Variants in GSE1 observed in about 807,000 individuals in gnomAD.
GSE1 encodes the protein genetic suppressor element 1.
Under a neutral mutation model 112.6 loss-of-function variants are expected in GSE1, and 32 were observed. The observed-to-expected ratio is 0.28, with a 90% CI of 0.21 to 0.38. GSE1 has a LOEUF of 0.38. GSE1 is among the 10% of genes least tolerant of loss of function. The pLI is 1.00. For missense variants in GSE1, 2,348 were observed against 1,699.2 expected (o/e 1.38, Z -6.71); for synonymous variants, 1,115 against 735.6 (o/e 1.52, Z -8.35).
chr16:85,411,128 C>G (rs2048528598), intron 2 of GSE1, among the ~76,000 whole-genome samples: 1 of 120,400 alleles, frequency 8.3e-6, no homozygotes, highest in Non-Finnish European at 1.6e-5. Flanking sequence ...GGATAATCCT[C>G]ACCGTTACAC....
chr16:85,174,482 G>A (rs1026805912), intron 1 of GSE1, among the ~76,000 whole-genome samples: 4 of 152,234 alleles, frequency 2.6e-5, no homozygotes, highest in African/African-American at 9.6e-5. Context: ...ACGATTGACA[G>A]CCGGGAGAAT....
chr16:85,232,549 C>T (rs1409618288), intron 1 of GSE1, among the ~76,000 whole-genome samples: 3 of 152,002 alleles, frequency 2.0e-5, no homozygotes, highest in Non-Finnish European at 4.4e-5. Context: ...GATAGACCCT[C>T]CAGAGCCCTG....
chr16:85,315,929 AG>A (rs112792930), intron 1 of GSE1, among the ~76,000 whole-genome samples: 3 of 151,558 alleles, frequency 2.0e-5, no homozygotes, highest in Admixed American at 6.6e-5. Flanking sequence ...CCCTAGTGGG[AG>A]GGGGGGTGAA....
At chr16:85,538,663 G>A (rs1389339952) in intron 2 of GSE1, among the ~76,000 whole-genome samples, 1 of 152,144 alleles carries the variant, frequency 6.6e-6, no homozygotes, top group Non-Finnish European at 1.5e-5. Flanking sequence ...CTGTGGGGAG[G>A]AAGTGGAGGA....
chr16:85,223,168 A>AT (rs1482767735), intron 1 of GSE1, among the ~76,000 whole-genome samples: 19 of 152,168 alleles, frequency 1.2e-4, no homozygotes, highest in Non-Finnish European at 2.9e-5. Context: ...TAAATCCTAC[A>AT]CGCTCCTGAA....
chr16:85,661,113 C>T (rs1288533256), intron 8 of GSE1, 33 bp from the exon 9 acceptor site: 4 of 1,531,692 alleles, frequency 2.6e-6, no homozygotes, highest in African/African-American at 1.4e-5. Flanking sequence ...AGGGTCTTTT[C>T]TCCCTGACTG....
intron 1 of GSE1, among the ~76,000 whole-genome samples, chr16:85,173,398 C>T (rs566630982): frequency 1.3e-5 from 2 of 152,268 alleles, no homozygotes; most frequent in African/African-American, 4.8e-5. Flanking sequence ...ATACCACTTG[C>T]TTTGTAGGGA....
chr16:85,352,079 C>T (rs1257594519), intron 1 of GSE1, among the ~76,000 whole-genome samples: 1 of 152,158 alleles, frequency 6.6e-6, no homozygotes, highest in Non-Finnish European at 1.5e-5. Flanking sequence ...TAAAACTTGG[C>T]ACTGACCACA....
At chr16:85,665,514 C>G (rs1189902942) in intron 12 of GSE1, among the ~76,000 whole-genome samples, 3 of 152,250 alleles carry the variant, frequency 2.0e-5, no homozygotes, top group African/African-American at 7.2e-5. Flanking sequence ...CCTAGCCGCC[C>G]TGGCTCTCTT....
chr16:85,403,960 G>C (rs151051954), intron 2 of GSE1, among the ~76,000 whole-genome samples: 2 of 152,152 alleles, frequency 1.3e-5, no homozygotes, highest in Non-Finnish European at 1.5e-5. Context: ...TCCAGGGCTT[G>C]TGGCCGCTCA....
chr16:85,280,239 C>T (rs183442311), intron 1 of GSE1, among the ~76,000 whole-genome samples: 96 of 152,272 alleles, frequency 6.3e-4, no homozygotes, highest in Non-Finnish European at 1.1e-3. Flanking sequence ...TACACCCGGC[C>T]CCTGCTTTCC....
chr16:85,228,834 G>T lies in GSE1; in HGVS notation c.2283+57027G>T, dbSNP rs118067256. Among the ~76,000 whole-genome samples, 709 of 152,342 alleles carry T rather than the reference G, an allele frequency of 4.7e-3. 6 individuals are homozygous for T. The highest frequency in any genetic ancestry group is 8.6e-3 in the Non-Finnish European group (584 of 68,032). ...AGGAAATTGTGCAGCAAGATTTGAG[G>T]CCACCTTCTGCCTCAGTTTACCCCA... is the stretch of plus-strand genomic sequence containing the variant. On this transcript the variant is annotated intron_variant, in intron 1 of 2. Coordinates refer to the GSE1 transcript ENST00000637419.
chr16:85,581,804 C>T (rs560784101), intron 1 of GSE1, among the ~76,000 whole-genome samples: 1 of 152,286 alleles, frequency 6.6e-6, no homozygotes, highest in Non-Finnish European at 1.5e-5. Flanking sequence ...GGTCTACACC[C>T]AGGGCTGCGG....
intron 2 of GSE1, among the ~76,000 whole-genome samples, chr16:85,370,704 A>T (rs967070882): frequency 6.6e-6 from 1 of 151,632 alleles, no homozygotes; most frequent in East Asian, 1.9e-4. Context: ...CTAGGCCCCA[A>T]CCCAGGGCTG....
intron 1 of GSE1, among the ~76,000 whole-genome samples, chr16:85,253,340 T>C (rs1906721026): frequency 6.6e-6 from 1 of 152,104 alleles, no homozygotes; most frequent in South Asian, 2.1e-4. Context: ...GGTGGGGCAC[T>C]GTGCCCGCTG....
chr16:85,278,856 C>A, intron 1 of GSE1: 1 of 203,110 alleles, frequency 4.9e-6, no homozygotes, highest in South Asian at 9.8e-5. Flanking sequence ...CTCATCTCCT[C>A]AAAATCCTTC....
At chr16:85,391,368 C>T (rs906924702) in intron 2 of GSE1, among the ~76,000 whole-genome samples, 4 of 152,212 alleles carry the variant, frequency 2.6e-5, no homozygotes, top group East Asian at 1.9e-4. Context: ...CTGCGGCTGC[C>T]GTAACAAAGT....
intron 2 of GSE1, among the ~76,000 whole-genome samples, chr16:85,638,328 A>C (rs2050169768): frequency 6.6e-6 from 1 of 151,916 alleles, no homozygotes; most frequent in African/African-American, 2.4e-5. Context: ...CTCTTCTTCA[A>C]AGCTCAGTCA....
At chr16:85,337,309 T>TTC (rs1178439346) in intron 1 of GSE1, among the ~76,000 whole-genome samples, 2 of 138,304 alleles carry the variant, frequency 1.4e-5, no homozygotes, top group African/African-American at 5.3e-5. Flanking sequence ...TTTCTTTTCT[T>TTC]TTTTTTTTTT....
Sources: allele counts gnomAD v4.1 joint callset (sites outside exome capture counted in the v4.1 genomes callset), GRCh38; gene constraint gnomAD v4.1.1; transcripts MANE v1.5; gene names NCBI Gene and HGNC (gene_info 2026-07-23, HGNC 2026-07-21).